The following VPS41 variants were observed in gnomAD, a reference collection of about 807,000 sequenced individuals.
The protein encoded by VPS41 is VPS41 subunit of HOPS complex.
VPS41 carries 85 observed loss-of-function variants against 130.9 expected under a neutral mutation model. The ratio of observed to expected loss-of-function variants is 0.65; its 90% CI spans 0.55 to 0.78. The LOEUF (loss-of-function observed/expected upper bound fraction) is 0.78, where lower values mean the gene tolerates loss of function less well. Ranked by LOEUF, VPS41 falls within the 30% of genes least tolerant of loss-of-function variation. The pLI, the probability that VPS41 is intolerant of heterozygous loss-of-function variation, is 0.00. For synonymous variants in VPS41, 335 were observed against 332.9 expected, an observed-to-expected ratio of 1.01 and a Z score of -0.07; for missense variants, 874 against 1,018.7, an observed-to-expected ratio of 0.86 and a Z score of 1.93.
chr7:38,859,105 T>C (rs1046695070), intron 4 of VPS41, among the ~76,000 whole-genome samples: 2 of 151,584 alleles, frequency 1.3e-5, no homozygotes, highest in African/African-American at 4.8e-5. Context: ...CAAAAAGTTT[T>C]AGAAGTAAAA....
chr7:38,876,862 T>A (rs774027963), intron 2 of VPS41, among the ~76,000 whole-genome samples: 2 of 152,158 alleles, frequency 1.3e-5, no homozygotes, highest in South Asian at 4.1e-4. Flanking sequence ...CTAAGCCACA[T>A]ACCATAAACA....
At chr7:38,897,962 A>G in intron 2 of VPS41, 129 bp downstream of exon 2, 1 of 668,678 alleles carries the variant, frequency 1.5e-6, no homozygotes, top group Admixed American at 2.6e-5. Context: ...CTCTTCCCCA[A>G]GGCTTAGTTA....
chr7:38,906,034 G>A (rs912779597), intron 1 of VPS41, among the ~76,000 whole-genome samples: 1 of 152,026 alleles, frequency 6.6e-6, no homozygotes, highest in Admixed American at 6.5e-5. Flanking sequence ...GACCTCAGGT[G>A]ATCCACCCGC....
chr7:38,884,735 C>T (rs552140285), intron 2 of VPS41, among the ~76,000 whole-genome samples: 3 of 152,258 alleles, frequency 2.0e-5, no homozygotes, highest in Admixed American at 6.5e-5. Flanking sequence ...TTTGCTTCAA[C>T]GGAACAAACT....
At chr7:38,836,406 G>C (rs1410676644) in intron 4 of VPS41, among the ~76,000 whole-genome samples, 1 of 152,076 alleles carries the variant, frequency 6.6e-6, no homozygotes, top group Non-Finnish European at 1.5e-5. Context: ...TCACTTTAAA[G>C]AGAATTGGAG....
chr7:38,728,448 A>C, intron 27 of VPS41, 94 bp downstream of exon 27: 1 of 1,321,784 alleles, frequency 7.6e-7, no homozygotes, highest in East Asian at 2.3e-5. Flanking sequence ...AAAGTTATAT[A>C]GTTTTATAAA....
chr7:38,884,682 C>A (rs1371769834), intron 2 of VPS41, among the ~76,000 whole-genome samples: 1 of 152,296 alleles, frequency 6.6e-6, no homozygotes, highest in Middle Eastern at 3.4e-3. Flanking sequence ...CTGTAACTAC[C>A]TGCCTTGGCC....
At chr7:38,745,689 T>C in intron 22 of VPS41, 76 bp from the exon 23 acceptor site, 1 of 1,149,100 alleles carries the variant, frequency 8.7e-7, no homozygotes, top group South Asian at 1.3e-5. Flanking sequence ...CATTTAAACT[T>C]ACACTTGAAA....
chr7:38,861,673 T>C (rs899658289), intron 4 of VPS41, among the ~76,000 whole-genome samples: 1 of 152,200 alleles, frequency 6.6e-6, no homozygotes, highest in Non-Finnish European at 1.5e-5. Context: ...ATGGATATTT[T>C]GACAAGTGCT....
At position 38,839,476 on chromosome 7, in the gene VPS41, G is replaced by A. The variant is rs141456823; in HGVS notation, c.247-9148C>T. Among the ~76,000 whole-genome samples the A allele has an allele frequency of 1.6e-3, 249 of 152,272 alleles. 1 individual carries two copies. The highest frequency in any genetic ancestry group is 1.4e-3 in the Non-Finnish European group (97 of 68,032). ...CTCGCTCTGTCGCACAGGCTGGAGTGCAGTGGTGTGATCTCGGCTCACTGC... is the reference window on the plus strand; with the variant it reads ...CTCGCTCTGTCGCACAGGCTGGAGTACAGTGGTGTGATCTCGGCTCACTGC... On this transcript the variant is annotated intron_variant, in intron 4 of 28. Transcript: ENST00000310301.
At chr7:38,754,572 G>A in intron 21 of VPS41, 130 bp downstream of exon 21, 1 of 702,066 alleles carries the variant, frequency 1.4e-6, no homozygotes, top group Non-Finnish European at 2.4e-6. Context: ...CATTGTTTGT[G>A]GTGAAACCTC....
chr7:38,866,437 A>C (rs1285333731), intron 3 of VPS41, among the ~76,000 whole-genome samples: 1 of 152,222 alleles, frequency 6.6e-6, no homozygotes, highest in Non-Finnish European at 1.5e-5. Flanking sequence ...TAGTAAGAAA[A>C]TCACCAGGAC....
chr7:38,854,174 C>G (rs968099875), intron 4 of VPS41, among the ~76,000 whole-genome samples: 1 of 152,178 alleles, frequency 6.6e-6, no homozygotes, highest in Non-Finnish European at 1.5e-5. Context: ...TTTAAACACA[C>G]AAGAATCTGA....
At position 38,742,254 on chromosome 7, in the gene VPS41, T is replaced by C. The variant is rs11979824; in HGVS notation, c.2123-133A>G. The stretch of plus-strand genomic sequence containing the variant: ...AAAAAATTATTTCCTTCAAAGTAAG[T>C]GTTAAAACCATTTGAATTTCTAAAC... On this transcript the variant is annotated intron_variant, in intron 24 of 28. Coordinates refer to ENST00000310301, the MANE Select transcript of VPS41 (RefSeq NM_014396.4). 175,677 of 817,620 alleles carry C rather than the reference T, an allele frequency of 0.21. 22,586 individuals are homozygous for C. The highest frequency in any genetic ancestry group is 0.42 in the East Asian group (15,105 of 35,624). 50.6% of individuals were successfully genotyped at this position (817,620 alleles called of 1,614,324 possible). A position where few individuals can be genotyped will look rare whatever the true frequency, so the allele number is the denominator to read the frequency against.
At chr7:38,867,351 GCCTGGCCAATAGGTGAAAC>G in intron 3 of VPS41, among the ~76,000 whole-genome samples, 1 of 152,032 alleles carries the variant, frequency 6.6e-6, no homozygotes, top group East Asian at 1.9e-4. Flanking sequence ...TTAGAGACCA[GCCTGGCCAATAGGTGAAAC>G]CCTGTCTCTA....
At chr7:38,875,045 T>C (rs1786458364) in intron 2 of VPS41, among the ~76,000 whole-genome samples, 3 of 152,130 alleles carry the variant, frequency 2.0e-5, no homozygotes, top group African/African-American at 4.8e-5. Flanking sequence ...TAAAACACAG[T>C]TGGTACCAAA....
chr7:38,887,841 C>T (rs569599593), intron 2 of VPS41, among the ~76,000 whole-genome samples: 11 of 152,298 alleles, frequency 7.2e-5, no homozygotes, highest in Non-Finnish European at 1.2e-4. Context: ...TCTGCAGAAA[C>T]CCTACAAGCC....
chr7:38,747,702 T>C (rs1277672040), intron 22 of VPS41, among the ~76,000 whole-genome samples: 7 of 152,236 alleles, frequency 4.6e-5, no homozygotes, highest in Non-Finnish European at 8.8e-5. Flanking sequence ...TTAAATTGAT[T>C]AAAATTAAAT....
chr7:38,803,163 C>T (rs1006526751), intron 7 of VPS41, among the ~76,000 whole-genome samples: 8 of 152,168 alleles, frequency 5.3e-5, no homozygotes, highest in African/African-American at 1.9e-4. Flanking sequence ...ACATGGAGCC[C>T]AGAATCTCCC....
Sources: gnomAD v4.1 joint callset for allele counts (sites outside exome capture counted in the v4.1 genomes callset) on GRCh38, gnomAD v4.1.1 for gene constraint, MANE v1.5 for transcripts, NCBI Gene and HGNC (gene_info 2026-07-23, HGNC 2026-07-21) for gene names.